RHD: variants seen among roughly 807,000 people sequenced by gnomAD.
RHD encodes the protein Rh blood group D antigen.
A neutral mutation model predicts 45.5 loss-of-function variants in RHD; 16 were observed. The observed-to-expected ratio is 0.35, with a 90% CI of 0.24 to 0.53. The LOEUF is 0.53. RHD is among the 20% of genes least tolerant of loss of function. The pLI, the probability that RHD is intolerant of heterozygous loss-of-function variation, is 0.92. For missense variants in RHD, 306 were observed against 532.0 expected (o/e 0.58, Z 4.18); for synonymous variants, 131 against 217.5 (o/e 0.60, Z 3.50).
chr1:25,284,820 G>C lies in RHD; in HGVS notation c.335+61G>C, dbSNP rs1267430663. The C allele has an allele frequency of 4.5e-6, 6 of 1,318,836 alleles. 1 individual carries two copies. The highest frequency in any genetic ancestry group is 5.4e-6 in the Non-Finnish European group (5 of 927,094). 81.7% of individuals were successfully genotyped at this position (1,318,836 alleles called of 1,614,324 possible). ...AGAGGGAATGGACCCCGAAAGGACA[G>C]GTTCCAGAAGATCTGGGATATTGCC... On this transcript the variant is annotated intron_variant, in intron 2 of 9. Coordinates refer to ENST00000328664, the MANE Select transcript of RHD (RefSeq NM_016124.6).
chr1:25,314,121 T>C (rs1246663221), intron 7 of RHD, among the ~76,000 whole-genome samples: 2 of 133,060 alleles, frequency 1.5e-5, no homozygotes, highest in African/African-American at 5.1e-5. Context: ...AATTGTTGAA[T>C]TATACAGTAT....
rs756369498 is a variant in RHD, at chr1:25,280,678, C to T, written c.149-3895C>T. 1.8e-4 allele frequency among the ~76,000 whole-genome samples: 22 copies of T among 122,662 alleles called. 2 individuals carry two copies. Among genetic ancestry groups the T allele is most frequent in the African/African-American group, 4.5e-4 (16 of 35,830 alleles). 80.5% of individuals were successfully genotyped at this position (122,662 alleles called of 152,430 possible). A position where few individuals can be genotyped will look rare whatever the true frequency, so the allele number is the denominator to read the frequency against. On this transcript the variant is annotated intron_variant, in intron 1 of 9. Coordinates refer to ENST00000328664, the MANE Select transcript of RHD (RefSeq NM_016124.6). ...GGCTGCTGGAGTGTAGTGGTGTGAC[C>T]GCAGCTCACTGCAGCCTTAACCTTC...
intron 1 of RHD, among the ~76,000 whole-genome samples, chr1:25,276,431 A>C (rs1302979138): frequency 8.1e-6 from 1 of 123,332 alleles, no homozygotes; most frequent in African/African-American, 2.9e-5. Context: ...AAAAAAAAAA[A>C]CACCCTGGCT....
Position 25,302,319 on chromosome 1 carries a change from G to A in RHD, c.801+633G>A, listed in dbSNP as rs2124677903. Among the ~76,000 whole-genome samples the A allele has an allele frequency of 2.3e-5, 3 of 128,818 alleles. 1 individual carries two copies. In the South Asian group the frequency reaches 7.1e-4, roughly 31 times the overall value. 84.5% of individuals were successfully genotyped at this position (128,818 alleles called of 152,430 possible). On this transcript the variant is annotated intron_variant, in intron 5 of 9. Transcript: ENST00000328664. ...GACAAAACAAGTTCTCATGATGATG[G>A]GGGAAGGGGCTCCAGCTGGTGGTGT... is the stretch of plus-strand genomic sequence containing the variant.
chr1:25,312,712 T>C (rs1644211891), intron 7 of RHD, among the ~76,000 whole-genome samples: 1 of 125,892 alleles, frequency 7.9e-6, no homozygotes. Context: ...GTCGTGCCAC[T>C]GCATTCCAGC....
At chr1:25,305,374 ATATTTATTTATT>A (rs34347122) in intron 6 of RHD, among the ~76,000 whole-genome samples, 1,769 of 106,790 alleles carry the variant, frequency 0.017, 289 homozygotes, top group African/African-American at 0.05. Context: ...AGGAGTCTGG[ATATTTATTTATT>A]TATTTATTTA....
Position 25,321,923 on chromosome 1 carries a change from T to G in RHD, c.1188T>G (p.Pro396=), listed in dbSNP as rs1484321163. The change falls in exon 9 of 10, where the codon CCT becomes CCG. Residue 396 remains proline (P), a synonymous_variant. Transcript: ENST00000328664. ...TAAATCTTAAAATATGGAAAGCACC[T>G]CATGAGGCTAAATATTTTGATGACC... The part of the protein sequence containing the change: ...LLLNLKIWKA[P]HEAKYFDDQV... 1.5e-6 allele frequency: 2 copies of G among 1,334,582 alleles called. 1 individual carries two copies. Among genetic ancestry groups the G allele is most frequent in the Non-Finnish European group, 2.1e-6 (2 of 939,730 alleles). 82.7% of individuals were successfully genotyped at this position (1,334,582 alleles called of 1,614,324 possible). A position where few individuals can be genotyped will look rare whatever the true frequency, so the allele number is the denominator to read the frequency against.
At chr1:25,302,132 G>T (rs752832689) in intron 5 of RHD, among the ~76,000 whole-genome samples, 1 of 131,258 alleles carries the variant, frequency 7.6e-6, no homozygotes, top group African/African-American at 2.6e-5. Flanking sequence ...CCACTTCAAC[G>T]TTTTGAGTCT....
chr1:25,304,976 C>T (rs1643684705), intron 6 of RHD, among the ~76,000 whole-genome samples: 2 of 132,420 alleles, frequency 1.5e-5, no homozygotes, highest in East Asian at 1.9e-4. Flanking sequence ...TTCATTCATT[C>T]ATCATTCCTT....
chr1:25,284,544 G>C (rs2301153), intron 1 of RHD, 29 bp from the exon 2 acceptor site: 1,002,021 of 1,382,534 alleles, frequency 0.72, 437,323 homozygotes, highest in South Asian at 0.86. Context: ...CTTCCCCCTC[G>C]TCCTTCTCGC....
intron 2 of RHD, among the ~76,000 whole-genome samples, chr1:25,285,750 A>C (rs1418077134): frequency 2.2e-5 from 3 of 135,242 alleles, no homozygotes; most frequent in Non-Finnish European, 5.3e-5. Context: ...AATAGGAGGA[A>C]GTAGGCTAAA....
intron 2 of RHD, among the ~76,000 whole-genome samples, chr1:25,289,159 A>G (rs1642283496): frequency 7.6e-6 from 1 of 132,342 alleles, no homozygotes; most frequent in Admixed American, 7.3e-5. Context: ...AAAATGGGAT[A>G]CTGAATGGTG....
intron 1 of RHD, among the ~76,000 whole-genome samples, chr1:25,276,532 TAAA>T (rs557746335): frequency 0.64 from 41,511 of 64,876 alleles, 15,355 homozygotes; most frequent in South Asian, 0.8. Context: ...CCCCCATCTC[TAAA>T]AAAAAAAAAA....
At chr1:25,280,967 A>T (rs1169073216) in intron 1 of RHD, among the ~76,000 whole-genome samples, 1 of 129,094 alleles carries the variant, frequency 7.7e-6, no homozygotes, top group East Asian at 2.0e-4. Context: ...TATCCAGGCA[A>T]CTCTCCTCTC....
chr1:25,319,994 G>A (rs1644611494), intron 8 of RHD, among the ~76,000 whole-genome samples: 1 of 131,544 alleles, frequency 7.6e-6, no homozygotes, highest in Non-Finnish European at 1.8e-5. Flanking sequence ...AGCCTCCTGG[G>A]TTCAAGTGAT....
In RHD at chr1:25,316,251, G is replaced by A. The variant is rs1177963427; in HGVS notation, c.1074-749G>A. ...GGGTAGGGATGGGCAGGGGAGATGG[G>A]TCTGAAAGCCAAGCTCTACCCCACC... On this transcript the variant is annotated intron_variant, in intron 7 of 9. Coordinates refer to ENST00000328664, the MANE Select transcript of RHD (RefSeq NM_016124.6). Among the ~76,000 whole-genome samples, 7 of 129,622 alleles carry A rather than the reference G, an allele frequency of 5.4e-5. 2 individuals are homozygous for A. The highest frequency in any genetic ancestry group is 1.5e-4 in the Admixed American group (2 of 13,316). 85.0% of individuals were successfully genotyped at this position (129,622 alleles called of 152,430 possible).
rs144186479 is a variant in RHD, at chr1:25,276,853, T to A, written c.148+4158T>A. ...AGGCCAAAGCAGGCAGATCACGAGG[T>A]CTGGAGATGGAGACCATCCTGGCTA... is the stretch of plus-strand genomic sequence containing the variant. On this transcript the variant is annotated intron_variant, in intron 1 of 9. Coordinates refer to ENST00000328664, the MANE Select transcript of RHD (RefSeq NM_016124.6). Among the ~76,000 whole-genome samples the A allele has an allele frequency of 9.1e-3, 1,196 of 131,714 alleles. 159 individuals carry two copies. The East Asian group carries it at 0.18, about 20-fold the overall frequency. 86.4% of individuals were successfully genotyped at this position (131,714 alleles called of 152,430 possible). A position where few individuals can be genotyped will look rare whatever the true frequency, so the allele number is the denominator to read the frequency against.
At position 25,303,684 on chromosome 1, in the gene RHD, AG is replaced by A. The variant is rs1320342648; in HGVS notation, c.939+226del. Among the ~76,000 whole-genome samples, 2 of 131,488 alleles carry A rather than the reference AG, an allele frequency of 1.5e-5. 1 individual carries two copies. Among genetic ancestry groups the A allele is most frequent in the African/African-American group, 5.2e-5 (2 of 38,168 alleles). The allele number at this position is 131,488 out of a possible 152,430, so 86.3% of individuals were successfully genotyped here. On this transcript the variant is annotated intron_variant, in intron 6 of 9. Coordinates refer to ENST00000328664, the MANE Select transcript of RHD (RefSeq NM_016124.6). ...ATTTGAGCTTGCTTGGGCATTGGGG[AG>A]AATTTGTTATCAGGCTACTGGGGTG...
intron 6 of RHD, among the ~76,000 whole-genome samples, chr1:25,305,216 A>T (rs1643705580): frequency 7.7e-6 from 1 of 130,376 alleles, no homozygotes; most frequent in African/African-American, 2.6e-5. Context: ...GGCAGAAGGC[A>T]CAGTGTGTAT....
Sources: gnomAD v4.1 joint callset for allele counts (sites outside exome capture counted in the v4.1 genomes callset) on GRCh38, gnomAD v4.1.1 for gene constraint, MANE v1.5 for transcripts, NCBI Gene and HGNC (gene_info 2026-07-23, HGNC 2026-07-21) for gene names.